Variants in CPNE4 observed in about 807,000 individuals in gnomAD.
The protein encoded by CPNE4 is copine 4.
CPNE4 carries 25 observed loss-of-function variants against 67.9 expected under a neutral mutation model. That is an observed-to-expected ratio of 0.37 (90% confidence interval 0.27 to 0.51). The LOEUF is 0.51. Among genes scored for constraint, CPNE4 ranks in the 20% least tolerant of loss-of-function variants. The probability of loss-of-function intolerance (pLI) is 0.93; values close to 1 mark genes in which losing one functional copy is unlikely to be tolerated. For synonymous variants in CPNE4, 242 were observed against 244.9 expected, an observed-to-expected ratio of 0.99 and a Z score of 0.11; for missense variants, 464 against 690.8, an observed-to-expected ratio of 0.67 and a Z score of 3.68.
intron 2 of CPNE4, among the ~76,000 whole-genome samples, chr3:131,728,262 C>T (rs1310302558): frequency 1.3e-5 from 2 of 152,120 alleles, no homozygotes; most frequent in African/African-American, 4.8e-5. Flanking sequence ...TGTTTTCATT[C>T]TTATAACAAT....
At chr3:131,547,209 C>G (rs947857493) in intron 14 of CPNE4, among the ~76,000 whole-genome samples, 1 of 151,764 alleles carries the variant, frequency 6.6e-6, no homozygotes, top group South Asian at 2.1e-4. Flanking sequence ...AACCCCAGAA[C>G]GTTGGGAGGC....
intron 7 of CPNE4, among the ~76,000 whole-genome samples, chr3:131,640,558 G>A (rs1452012992): frequency 1.3e-5 from 2 of 152,080 alleles, no homozygotes; most frequent in Non-Finnish European, 2.9e-5. Flanking sequence ...TCATGGAAGG[G>A]TAGAATCAAT....
chr3:131,683,148 A>G (rs911772933), intron 6 of CPNE4, among the ~76,000 whole-genome samples: 1 of 152,126 alleles, frequency 6.6e-6, no homozygotes, highest in African/African-American at 2.4e-5. Flanking sequence ...CTGAGCTGGT[A>G]CCTAAGTTGC....
chr3:131,583,084 G>A (rs1937947841), intron 8 of CPNE4, among the ~76,000 whole-genome samples: 1 of 152,222 alleles, frequency 6.6e-6, no homozygotes, highest in African/African-American at 2.4e-5. Flanking sequence ...CCAGTGAAGA[G>A]TCCTCTATGA....
At chr3:131,889,777 T>C (rs770357520) in intron 2 of CPNE4, among the ~76,000 whole-genome samples, 1 of 152,174 alleles carries the variant, frequency 6.6e-6, no homozygotes, top group Admixed American at 6.5e-5. Flanking sequence ...TGCCTTTAAG[T>C]GTATGTGTTG....
chr3:131,775,988 G>A (rs2083281386), intron 2 of CPNE4, among the ~76,000 whole-genome samples: 1 of 152,124 alleles, frequency 6.6e-6, no homozygotes, highest in Non-Finnish European at 1.5e-5. Flanking sequence ...ATCCAGAGGT[G>A]GATAATTGTG....
At chr3:131,552,389 G>C in intron 13 of CPNE4, 51 bp downstream of exon 13, 1 of 1,490,208 alleles carries the variant, frequency 6.7e-7, no homozygotes, top group Non-Finnish European at 9.3e-7. Context: ...AAATGGGAAA[G>C]CTGCAAAGGG....
intron 7 of CPNE4, among the ~76,000 whole-genome samples, chr3:131,588,297 A>G (rs1938313687): frequency 6.6e-6 from 1 of 152,276 alleles, no homozygotes; most frequent in South Asian, 2.1e-4. Flanking sequence ...GAGTGACTAG[A>G]CTGAATCAGC....
intron 7 of CPNE4, among the ~76,000 whole-genome samples, chr3:131,601,195 GTT>G (rs141604153): frequency 0.024 from 3,651 of 152,138 alleles, 150 homozygotes; most frequent in African/African-American, 0.082. Context: ...TGGCTACCCA[GTT>G]CATTCATCTC....
intron 7 of CPNE4, among the ~76,000 whole-genome samples, chr3:131,599,687 T>C (rs1939094156): frequency 6.6e-6 from 1 of 152,164 alleles, no homozygotes; most frequent in African/African-American, 2.4e-5. Flanking sequence ...AGTGGAAATC[T>C]GTCTGTACAA....
At chr3:131,877,294 T>C (rs2087498970) in intron 2 of CPNE4, among the ~76,000 whole-genome samples, 1 of 152,322 alleles carries the variant, frequency 6.6e-6, no homozygotes, top group African/African-American at 2.4e-5. Flanking sequence ...TCTGTCAAAT[T>C]CTGTGTCCAG....
At chr3:131,582,558 T>A (rs1055382544) in intron 8 of CPNE4, among the ~76,000 whole-genome samples, 2 of 152,202 alleles carry the variant, frequency 1.3e-5, no homozygotes, top group African/African-American at 2.4e-5. Context: ...TAGGCTGATA[T>A]AGCAGTGGCC....
chr3:131,808,868 C>T (rs528497557), intron 2 of CPNE4, among the ~76,000 whole-genome samples: 71 of 152,200 alleles, frequency 4.7e-4, no homozygotes, highest in African/African-American at 1.5e-3. Flanking sequence ...TTTTTGTAAA[C>T]GGTAAACTAA....
intron 2 of CPNE4, among the ~76,000 whole-genome samples, chr3:131,813,583 TAA>T (rs1307156958): frequency 6.6e-6 from 1 of 151,874 alleles, no homozygotes; most frequent in Non-Finnish European, 1.5e-5. Context: ...AAGATGATAT[TAA>T]GTTACATTCA....
chr3:131,587,515 T>C lies in CPNE4; in HGVS notation c.749A>G (p.Lys250Arg). 1 of 1,613,840 alleles carries C rather than the reference T, an allele frequency of 6.2e-7. No homozygotes were observed. Among genetic ancestry groups the C allele is most frequent in the South Asian group, 1.1e-5 (1 of 91,076 alleles). The part of the protein sequence containing the change: ...DFIGEFTSTF[K>R]EMRGAMEGKQ... ...CCCTTCCATTGCTCCTCTCATCTCC[T>C]TGAATGTCGAGGTGAATTCTCCAAT... is the stretch of plus-strand genomic sequence containing the variant. Residue 250 changes from lysine (K) to arginine (R), a missense_variant, in exon 8 of 16, where the codon AAG becomes AGG. Coordinates refer to ENST00000429747, the MANE Select transcript of CPNE4 (RefSeq NM_130808.3).
intron 3 of CPNE4, among the ~76,000 whole-genome samples, chr3:131,711,752 G>T (rs575430477): frequency 1.3e-5 from 2 of 152,242 alleles, no homozygotes; most frequent in East Asian, 3.9e-4. Context: ...ACTTTATTAG[G>T]TTAATTTAAA....
At chr3:131,798,733 C>T (rs1366693141) in intron 2 of CPNE4, among the ~76,000 whole-genome samples, 1 of 152,082 alleles carries the variant, frequency 6.6e-6, no homozygotes, top group African/African-American at 2.4e-5. Context: ...CAAGGAATGA[C>T]TTCTTCTTCT....
intron 7 of CPNE4, among the ~76,000 whole-genome samples, chr3:131,619,480 A>G (rs1940346067): frequency 6.6e-6 from 1 of 152,190 alleles, no homozygotes; most frequent in Non-Finnish European, 1.5e-5. Context: ...ATAATTCACA[A>G]TTATTGAACT....
In CPNE4 at chr3:131,986,559, G is replaced by A. The variant is rs571721302; in HGVS notation, c.-2+48008C>T. 8.5e-5 allele frequency among the ~76,000 whole-genome samples: 13 copies of A among 152,268 alleles called. 1 individual carries two copies. The highest frequency in any genetic ancestry group is 7.2e-4 in the Admixed American group (11 of 15,288). ...TGCTTTATTCTGAGAGGTAACGACT[G>A]TTCTCTCCTAGCATGGATCAGAGAC... On this transcript the variant is annotated intron_variant, in intron 1 of 15. Transcript: ENST00000429747.
Sources: gnomAD v4.1 joint callset for allele counts (sites outside exome capture counted in the v4.1 genomes callset) on GRCh38, gnomAD v4.1.1 for gene constraint, MANE v1.5 for transcripts, NCBI Gene and HGNC (gene_info 2026-07-23, HGNC 2026-07-21) for gene names.